Variants in UBE2U observed in about 807,000 individuals in gnomAD.
UBE2U encodes the protein ubiquitin conjugating enzyme E2 U.
UBE2U carries 39 observed loss-of-function variants against 41.2 expected under a neutral mutation model. That is an observed-to-expected ratio of 0.95 (90% confidence interval 0.73 to 1.24). UBE2U has a LOEUF of 1.24. UBE2U is among the 50% of genes most tolerant of loss of function. The pLI, the probability that UBE2U is intolerant of heterozygous loss-of-function variation, is 0.00. For missense variants in UBE2U, 336 were observed against 363.1 expected (o/e 0.93, Z 0.61); for synonymous variants, 107 against 117.8 (o/e 0.91, Z 0.60).
At chr1:64,232,021 A>T (rs1314705749) in intron 6 of UBE2U, among the ~76,000 whole-genome samples, 1 of 152,240 alleles carries the variant, frequency 6.6e-6, no homozygotes, top group Non-Finnish European at 1.5e-5. Context: ...ATATTAGCAC[A>T]GGGAGGGGAA....
At chr1:64,248,697 AAAG>A (rs1644960589) in intron 8 of UBE2U, among the ~76,000 whole-genome samples, 1 of 152,182 alleles carries the variant, frequency 6.6e-6, no homozygotes, top group Non-Finnish European at 1.5e-5. Context: ...ATGGTTGAAT[AAAG>A]AAGGAAATAC....
chr1:64,216,580 C>T (rs1425476237), intron 5 of UBE2U, among the ~76,000 whole-genome samples: 6 of 152,254 alleles, frequency 3.9e-5, no homozygotes, highest in African/African-American at 1.4e-4. Flanking sequence ...CTGAAGTTCA[C>T]ATACGCAGGC....
At chr1:64,249,174 T>C (rs1644966623) in intron 8 of UBE2U, among the ~76,000 whole-genome samples, 1 of 151,682 alleles carries the variant, frequency 6.6e-6, no homozygotes. Flanking sequence ...GTCAGGAGTT[T>C]GAAACCAGCC....
intron 6 of UBE2U, among the ~76,000 whole-genome samples, chr1:64,229,092 C>A (rs1412095098): frequency 1.3e-5 from 2 of 151,966 alleles, no homozygotes. Flanking sequence ...ATCTCCTGAC[C>A]TCATGATCTG....
chr1:64,217,171 A>T (rs1428857317), intron 5 of UBE2U, among the ~76,000 whole-genome samples: 1 of 152,176 alleles, frequency 6.6e-6, no homozygotes, highest in Admixed American at 6.5e-5. Context: ...GCAGTTAGTA[A>T]ACTCTCTATT....
chr1:64,251,804 C>T (rs1031959781), intron 8 of UBE2U, among the ~76,000 whole-genome samples: 1 of 152,144 alleles, frequency 6.6e-6, no homozygotes, highest in Admixed American at 6.5e-5. Context: ...AGGTGTTTTA[C>T]ATAATCTGGT....
At chr1:64,209,953 C>G (rs1651565315) in intron 3 of UBE2U, among the ~76,000 whole-genome samples, 1 of 152,154 alleles carries the variant, frequency 6.6e-6, no homozygotes, top group African/African-American at 2.4e-5. Context: ...TCGTATGATA[C>G]AATTGACAGT....
chr1:64,207,433 T>C (rs1221399654), intron 3 of UBE2U, among the ~76,000 whole-genome samples: 1 of 152,242 alleles, frequency 6.6e-6, no homozygotes, highest in Non-Finnish European at 1.5e-5. Flanking sequence ...TGTGAACCAC[T>C]GCGCCTGGCC....
chr1:64,264,129 A>T (rs1429253443), intron 9 of UBE2U, among the ~76,000 whole-genome samples: 1 of 152,228 alleles, frequency 6.6e-6, no homozygotes, highest in Non-Finnish European at 1.5e-5. Context: ...AACTGAACCC[A>T]GGCTGAAAAC....
At chr1:64,239,886 G>A (rs181172365) in intron 7 of UBE2U, among the ~76,000 whole-genome samples, 17 of 152,264 alleles carry the variant, frequency 1.1e-4, no homozygotes, top group Admixed American at 3.3e-4. Context: ...TATACACCCA[G>A]TAATGGGATG....
At position 64,214,928 on chromosome 1, in the gene UBE2U, A is replaced by G; in HGVS notation, c.453A>G (p.Leu151=). 1 of 1,612,628 alleles carries G rather than the reference A, an allele frequency of 6.2e-7. No individual in the cohort carries two copies. Among genetic ancestry groups the G allele is most frequent in the Non-Finnish European group, 8.5e-7 (1 of 1,178,648 alleles). ...TTCTAAGACTTTTCAACAGGCCATT[A>G]CAAAGTAAGAAGTATCTACTTTTGT... The part of the protein sequence containing the change: ...RTILRLFNRP[L]QMKDDSQELP... Residue 151 remains leucine (L), a synonymous_variant, in exon 5 of 10, where the codon TTA becomes TTG. Coordinates refer to ENST00000371077, the MANE Select transcript of UBE2U (RefSeq NM_001366232.2).
intron 9 of UBE2U, among the ~76,000 whole-genome samples, chr1:64,261,427 C>T (rs1424242897): frequency 1.3e-5 from 2 of 150,456 alleles, no homozygotes; most frequent in Non-Finnish European, 3.0e-5. Flanking sequence ...CTGAAAAGTA[C>T]AAAAAAAAAT....
chr1:64,213,437 C>A (rs1159625094), intron 4 of UBE2U, among the ~76,000 whole-genome samples: 3 of 151,992 alleles, frequency 2.0e-5, no homozygotes, highest in African/African-American at 7.3e-5. Flanking sequence ...ATTTATTTTC[C>A]TAGGGAGAAT....
At chr1:64,206,970 C>A in intron 3 of UBE2U, 114 bp downstream of exon 3, 1 of 690,820 alleles carries the variant, frequency 1.4e-6, no homozygotes, top group South Asian at 1.9e-5. Context: ...AGTAAGAACT[C>A]TCATTGGGGA....
Position 64,220,922 on chromosome 1 carries a change from A to G in UBE2U, c.506+15A>G, listed in dbSNP as rs1230929563. The G allele has an allele frequency of 1.3e-6, 2 of 1,580,552 alleles. No homozygotes were observed. The highest frequency in any genetic ancestry group is 1.4e-5 in the African/African-American group (1 of 73,548). Reference sequence around the variant, plus strand: ...AAATGTATCAGGTAAGTTTTTCTTTATACAATTTATGTCGATTTATTTACC... The same window carrying G: ...AAATGTATCAGGTAAGTTTTTCTTTGTACAATTTATGTCGATTTATTTACC... On this transcript the variant is annotated intron_variant, in intron 6 of 9. Coordinates refer to ENST00000371077, the MANE Select transcript of UBE2U (RefSeq NM_001366232.2).
At chr1:64,244,201 A>G in intron 8 of UBE2U, 1 of 1,594,878 alleles carries the variant, frequency 6.3e-7, no homozygotes, top group Admixed American at 1.7e-5. Context: ...TGTTGGAGAA[A>G]TTCTTAACCA....
chr1:64,260,511 T>C, intron 8 of UBE2U, 92 bp from the exon 9 acceptor site: 1 of 946,450 alleles, frequency 1.1e-6, no homozygotes, highest in Non-Finnish European at 1.6e-6. Flanking sequence ...ACTTTTATGT[T>C]TCATTTCATT....
chr1:64,216,200 C>T (rs1652000422), intron 5 of UBE2U, among the ~76,000 whole-genome samples: 1 of 152,090 alleles, frequency 6.6e-6, no homozygotes, highest in Admixed American at 6.6e-5. Context: ...TACCATAGAA[C>T]TTTATTCTAC....
chr1:64,243,286 A>G (rs2100467404), intron 8 of UBE2U, among the ~76,000 whole-genome samples: 1 of 152,316 alleles, frequency 6.6e-6, no homozygotes, highest in South Asian at 2.1e-4. Flanking sequence ...AAAAGATATT[A>G]TATTTATCTG....
Sources: allele counts gnomAD v4.1 joint callset (sites outside exome capture counted in the v4.1 genomes callset), GRCh38; gene constraint gnomAD v4.1.1; transcripts MANE v1.5; gene names NCBI Gene and HGNC (gene_info 2026-07-23, HGNC 2026-07-21).